DCAF1: variants seen among roughly 807,000 people sequenced by gnomAD.
The protein encoded by DCAF1 is DDB1- and CUL4-associated factor 1.
A neutral mutation model predicts 128.0 loss-of-function variants in DCAF1; 15 were observed. The ratio of observed to expected loss-of-function variants is 0.12; its 90% confidence interval spans 0.08 to 0.18. The LOEUF (loss-of-function observed/expected upper bound fraction) is 0.18. DCAF1 is among the 10% of genes least tolerant of loss of function. DCAF1 has a pLI of 1.00. For missense variants in DCAF1, 988 were observed against 1,649.5 expected, an observed-to-expected ratio of 0.60 and a Z score of 6.95; for synonymous variants, 610 against 603.0, an observed-to-expected ratio of 1.01 and a Z score of -0.17.
In DCAF1 at chr3:51,418,010, G is replaced by A. The variant is rs1432557012; in HGVS notation, c.3518+106C>T. On this transcript the variant is annotated intron_variant, in intron 17 of 24. Coordinates refer to ENST00000684031, the MANE Select transcript of DCAF1 (RefSeq NM_001387579.1). ...AGGAAGAGAGAAGTTAACAATAACC[G>A]ACAGCATCCTCTTTCCCCAAAAGGC... 30 of 1,407,950 alleles carry A rather than the reference G, an allele frequency of 2.1e-5. No individual in the cohort carries two copies. In the East Asian group the frequency reaches 6.1e-4, roughly 28 times the overall value. 87.2% of individuals were successfully genotyped at this position (1,407,950 alleles called of 1,614,324 possible).
At chr3:51,489,141 C>T (rs1452298029) in intron 2 of DCAF1, among the ~76,000 whole-genome samples, 2 of 152,168 alleles carry the variant, frequency 1.3e-5, no homozygotes, top group Middle Eastern at 3.4e-3. Flanking sequence ...AAACACTGTA[C>T]TGGAGTCCTC....
upstream of DCAF1, among the ~76,000 whole-genome samples, chr3:51,504,578 C>T (rs1708898150): frequency 6.6e-6 from 1 of 152,132 alleles, no homozygotes; most frequent in South Asian, 2.1e-4. Context: ...GAACTCCTGA[C>T]CTCAAGTGAT....
chr3:51,447,261 T>C (rs1401880920), intron 6 of DCAF1, among the ~76,000 whole-genome samples: 1 of 151,492 alleles, frequency 6.6e-6, no homozygotes, highest in Non-Finnish European at 1.5e-5. Context: ...ATTACAAAAA[T>C]TGGCTGGGTA....
At chr3:51,449,069 T>G (rs1702132169) in intron 6 of DCAF1, among the ~76,000 whole-genome samples, 1 of 152,110 alleles carries the variant, frequency 6.6e-6, no homozygotes, top group African/African-American at 2.4e-5. Flanking sequence ...ACATGAAAAT[T>G]AAACATCACT....
At chr3:51,479,801 A>G (rs1453902913) in intron 3 of DCAF1, among the ~76,000 whole-genome samples, 1 of 152,102 alleles carries the variant, frequency 6.6e-6, no homozygotes, top group Non-Finnish European at 1.5e-5. Flanking sequence ...GTCTCAAAAA[A>G]TAAAATAAAA....
intron 6 of DCAF1, among the ~76,000 whole-genome samples, 158 bp from the exon 7 acceptor site, chr3:51,444,061 T>C (rs555218111): frequency 1.3e-5 from 2 of 152,312 alleles, no homozygotes; most frequent in African/African-American, 2.4e-5. Flanking sequence ...TCCTTAGTTA[T>C]ATAAAGTATC....
chr3:51,406,604 C>T (rs1478438065), intron 23 of DCAF1, among the ~76,000 whole-genome samples: 4 of 152,128 alleles, frequency 2.6e-5, no homozygotes, highest in African/African-American at 7.2e-5. Context: ...CCAAACCCTG[C>T]AGATAAACAA....
At chr3:51,424,814 CAGATAT>C (rs1699761124) in intron 13 of DCAF1, among the ~76,000 whole-genome samples, 2 of 152,082 alleles carry the variant, frequency 1.3e-5, no homozygotes, top group African/African-American at 4.8e-5. Flanking sequence ...TATGAACACA[CAGATAT>C]ATATAGTATA....
At chr3:51,476,740 T>G (rs1327257867) in intron 3 of DCAF1, among the ~76,000 whole-genome samples, 11 of 151,672 alleles carry the variant, frequency 7.3e-5, no homozygotes, top group African/African-American at 2.7e-4. Context: ...TAGCCAGGTG[T>G]GTTGGCGGGT....
rs182124447 is a variant in DCAF1, at chr3:51,480,872, T to C, written c.110+2847A>G. Among the ~76,000 whole-genome samples the C allele has an allele frequency of 2.0e-4, 30 of 152,244 alleles. No homozygotes were observed. In the East Asian group the frequency reaches 4.8e-3, roughly 25 times the overall value. On this transcript the variant is annotated intron_variant, in intron 3 of 24. Transcript: ENST00000684031. ...TTTTTACACGTGTTTCCTCACTAAA[T>C]TGTAAAATTCTTGAAAGCACATACT...
intron 5 of DCAF1, 44 bp downstream of exon 5, chr3:51,466,759 T>C (rs1553646653): frequency 6.3e-7 from 1 of 1,582,352 alleles, no homozygotes; most frequent in Admixed American, 1.7e-5. Flanking sequence ...AGATACAGCA[T>C]CTACAGATGA....
At chr3:51,484,711 C>A (rs1251770240) in intron 2 of DCAF1, among the ~76,000 whole-genome samples, 19 of 129,064 alleles carry the variant, frequency 1.5e-4, no homozygotes, top group African/African-American at 4.9e-4. Flanking sequence ...GAGATGGAGT[C>A]TCACTCTGTC....
downstream of DCAF1, chr3:51,397,028 T>C (rs1426666685): frequency 1.8e-5 from 3 of 167,128 alleles, no homozygotes; most frequent in African/African-American, 7.2e-5. Context: ...AATTCTATAG[T>C]GCTTCTGAGC....
At chr3:51,483,609 TTGTG>T (rs57475291) in intron 3 of DCAF1, 106 bp downstream of exon 3, 9,019 of 471,934 alleles carry the variant, frequency 0.019, 35 homozygotes, top group South Asian at 0.043. Flanking sequence ...TTAAACTAGT[TTGTG>T]TGTGTGTGTG....
At chr3:51,439,442 A>ATTTTTT (rs1191716094) in intron 9 of DCAF1, among the ~76,000 whole-genome samples, 1 of 128,432 alleles carries the variant, frequency 7.8e-6, no homozygotes, top group Non-Finnish European at 1.6e-5. Context: ...TGCTATTTCT[A>ATTTTTT]TTTTTTTTTT....
chr3:51,444,972 G>T (rs1701719583), intron 6 of DCAF1, among the ~76,000 whole-genome samples: 1 of 152,090 alleles, frequency 6.6e-6, no homozygotes, highest in Non-Finnish European at 1.5e-5. Flanking sequence ...ACCATGCCCG[G>T]CCCCCAAACT....
Position 51,436,623 on chromosome 3 carries a change from T to A in DCAF1, c.1129-3359A>T, listed in dbSNP as rs532392633. Among the ~76,000 whole-genome samples the A allele has an allele frequency of 7.9e-5, 12 of 152,332 alleles. No homozygotes were observed. The South Asian group carries it at 8.3e-4, about 11-fold the overall frequency. ...TTCCTATCATGATACTAATAATTTA[T>A]AAAGGATCTGTGTAGTTTGAACGTA... On this transcript the variant is annotated intron_variant, in intron 9 of 24. Transcript: ENST00000684031.
rs1553653881 is a variant in DCAF1 at position 51,483,609 on chromosome 3, T to TGTG, written c.110+109_110+110insCAC. ...AATTTTTGCTTCTTTTTAAACTAGT[T>TGTG]TGTGTGTGTGTGTGTGTGTGTGTGT... On this transcript the variant is annotated intron_variant, in intron 3 of 24. Coordinates refer to ENST00000684031, the MANE Select transcript of DCAF1 (RefSeq NM_001387579.1). 125 of 475,844 alleles carry TGTG rather than the reference T, an allele frequency of 2.6e-4. 1 individual carries two copies. The East Asian group carries it at 3.8e-3, about 15-fold the overall frequency. 29.5% of individuals were successfully genotyped at this position (475,844 alleles called of 1,614,324 possible).
At chr3:51,495,562 A>C (rs760044314) in intron 2 of DCAF1, among the ~76,000 whole-genome samples, 10 of 151,992 alleles carry the variant, frequency 6.6e-5, no homozygotes, top group Admixed American at 1.3e-4. Context: ...AACAGACTTA[A>C]CTAATAATAG....
Sources: allele counts gnomAD v4.1 joint callset (sites outside exome capture counted in the v4.1 genomes callset), GRCh38; gene constraint gnomAD v4.1.1; transcripts MANE v1.5; gene names NCBI Gene and HGNC (gene_info 2026-07-23, HGNC 2026-07-21).